Variants in TAOK1 observed in about 807,000 individuals in gnomAD.
TAOK1 encodes the protein serine/threonine-protein kinase TAO1.
Under a neutral mutation model 138.3 loss-of-function variants are expected in TAOK1, and 21 were observed. That is an observed-to-expected ratio of 0.15 (90% CI 0.11 to 0.22). The LOEUF (loss-of-function observed/expected upper bound fraction) is 0.22. Among genes scored for constraint, TAOK1 ranks in the 10% least tolerant of loss-of-function variants. The pLI is 1.00. For synonymous variants in TAOK1, 361 were observed against 398.4 expected (o/e 0.91, Z 1.12); for missense variants, 651 against 1,227.7 (o/e 0.53, Z 7.02).
In TAOK1 at chr17:29,522,206, T is replaced by C. The variant is rs28458980; in HGVS notation, c.1909-74T>C. Reference sequence around the variant, plus strand: ...GTTAATTACATCTGTTTACTGGTTATTCTGTTAATTAGGACTTTTTTCTGG... The same window carrying C: ...GTTAATTACATCTGTTTACTGGTTACTCTGTTAATTAGGACTTTTTTCTGG... On this transcript the variant is annotated intron_variant, in intron 16 of 19. Transcript: ENST00000261716. 5.5e-4 allele frequency: 844 copies of C among 1,547,116 alleles called. 4 individuals are homozygous for C. In the African/African-American group the frequency reaches 0.011, roughly 20 times the overall value.
rs758803555 is a variant in TAOK1, at chr17:29,503,892, A to G, written c.1338+1169A>G. 4.5e-4 allele frequency among the ~76,000 whole-genome samples: 69 copies of G among 152,036 alleles called. 1 individual carries two copies. The highest frequency in any genetic ancestry group is 3.4e-3 in the Middle Eastern group (1 of 292). Reference sequence around the variant, plus strand: ...TTGGGAGGCTGAAGTAAGTGGATCAACTGAGGTCAGGAGTTCAAGACCAGC... The same window carrying G: ...TTGGGAGGCTGAAGTAAGTGGATCAGCTGAGGTCAGGAGTTCAAGACCAGC... On this transcript the variant is annotated intron_variant, in intron 13 of 19. Coordinates refer to ENST00000261716, the MANE Select transcript of TAOK1 (RefSeq NM_020791.4).
At chr17:29,413,523 G>T (rs1905193932) in intron 1 of TAOK1, among the ~76,000 whole-genome samples, 1 of 152,138 alleles carries the variant, frequency 6.6e-6, no homozygotes, top group African/African-American at 2.4e-5. Flanking sequence ...TTGAGTCCAG[G>T]AGGCGGAGGT....
At chr17:29,410,623 T>TG (rs973434840) in intron 1 of TAOK1, among the ~76,000 whole-genome samples, 5 of 150,500 alleles carry the variant, frequency 3.3e-5, no homozygotes, top group African/African-American at 1.2e-4. Context: ...TTTTTTGTTT[T>TG]TTTTTTTTTT....
In TAOK1 at chr17:29,542,912, C is replaced by T; in HGVS notation, c.2896C>T (p.Pro966Ser). 1.9e-6 allele frequency: 3 copies of T among 1,613,832 alleles called. No individual in the cohort carries two copies. The highest frequency in any genetic ancestry group is 2.5e-6 in the Non-Finnish European group (3 of 1,179,956). Reference protein sequence around the residue: ...RGSSMGVRNSPQALRRTASGG... With the variant: ...RGSSMGVRNSSQALRRTASGG... ...TAGCAGTATGGGAGTCCGCAATAGC[C>T]CCCAGGCTCTGAGGCGGACAGCTTC... is the stretch of plus-strand genomic sequence containing the variant. Residue 966 changes from proline (P) to serine (S), a missense_variant, in exon 20 of 20, where the codon CCC becomes TCC. By Grantham distance (74) the Pro-to-Ser change is moderately conservative (BLOSUM62 -1). Transcript: ENST00000261716.
At chr17:29,527,286 C>T (rs529167094) in intron 17 of TAOK1, among the ~76,000 whole-genome samples, 2 of 151,896 alleles carry the variant, frequency 1.3e-5, no homozygotes, top group Non-Finnish European at 2.9e-5. Flanking sequence ...GAGACCCTGT[C>T]TCAAAAAAAG....
chr17:29,416,061 G>A (rs923503938), intron 1 of TAOK1, among the ~76,000 whole-genome samples: 7 of 152,040 alleles, frequency 4.6e-5, no homozygotes, highest in African/African-American at 9.7e-5. Context: ...TCAGGAGTTC[G>A]AGACCAGCCT....
chr17:29,504,765 G>C (rs930722233), intron 13 of TAOK1, among the ~76,000 whole-genome samples: 4 of 152,206 alleles, frequency 2.6e-5, no homozygotes, highest in African/African-American at 9.6e-5. Context: ...AGCAGATGTT[G>C]TAAATCCTAT....
rs375745805 is a variant in TAOK1, at chr17:29,486,494, G to A, written c.656-3170G>A. Reference sequence around the variant, plus strand: ...CTAAAACCGCAAAAATTAGCTGGGCGTGGTGGCGCATCCCGGTAATCCCAG... The same window carrying A: ...CTAAAACCGCAAAAATTAGCTGGGCATGGTGGCGCATCCCGGTAATCCCAG... On this transcript the variant is annotated intron_variant, in intron 8 of 19. Transcript: ENST00000261716. Among the ~76,000 whole-genome samples, 163 of 152,058 alleles carry A rather than the reference G, an allele frequency of 1.1e-3. 1 individual carries two copies. The highest frequency in any genetic ancestry group is 3.4e-3 in the Middle Eastern group (1 of 294).
chr17:29,467,248 C>A, intron 3 of TAOK1, 32 bp downstream of exon 3: 1 of 1,360,440 alleles, frequency 7.4e-7, no homozygotes, highest in Non-Finnish European at 1.0e-6. Context: ...TTGTTTTTTT[C>A]TTATATTTAT....
intron 3 of TAOK1, among the ~76,000 whole-genome samples, chr17:29,471,294 T>C: frequency 7.2e-6 from 1 of 138,554 alleles, no homozygotes; most frequent in South Asian, 2.4e-4. Context: ...TTTTTTTTTT[T>C]TTTTGAGATG....
At chr17:29,427,332 C>G (rs978197111) in intron 1 of TAOK1, among the ~76,000 whole-genome samples, 6 of 152,048 alleles carry the variant, frequency 3.9e-5, no homozygotes, top group African/African-American at 1.2e-4. Flanking sequence ...CGGTGGCTCA[C>G]GCCTGTAATC....
intron 6 of TAOK1, among the ~76,000 whole-genome samples, chr17:29,479,063 T>G (rs886379923): frequency 6.6e-6 from 1 of 151,724 alleles, no homozygotes; most frequent in Admixed American, 6.6e-5. Context: ...AGGCGGAGTT[T>G]GCAGTGAGCT....
At position 29,545,132 on chromosome 17, in the gene TAOK1, A is replaced by G. The variant is rs2032381327; in HGVS notation, c.*2110A>G. On this transcript the variant is annotated 3_prime_UTR_variant, in exon 20 of 20. Coordinates refer to ENST00000261716, the MANE Select transcript of TAOK1 (RefSeq NM_020791.4). ...CTCTTATGTGTTGTTCTTTCAGCCC[A>G]TGCTCCAGGTCACCGGTTTTTAGGT... 6.6e-6 allele frequency: 1 copy of G among 152,204 alleles called. No homozygotes were observed. The highest frequency in any genetic ancestry group is 6.6e-5 in the Admixed American group (1 of 15,266). 9.4% of individuals were successfully genotyped at this position (152,204 alleles called of 1,614,324 possible).
intron 1 of TAOK1, among the ~76,000 whole-genome samples, chr17:29,416,891 A>G (rs1905276799): frequency 6.6e-6 from 1 of 152,188 alleles, no homozygotes; most frequent in South Asian, 2.1e-4. Context: ...TCAAGTTTTT[A>G]TCATATTTTC....
rs508706 is a variant in TAOK1 at position 29,508,120 on chromosome 17, C to T, written c.1563C>T (p.Ala521=). 0.85 allele frequency: 1,371,318 copies of T among 1,613,316 alleles called. 583,886 individuals are homozygous for T. Among genetic ancestry groups the T allele is most frequent in the Middle Eastern group, 0.9 (5,437 of 6,062 alleles). Residue 521 remains alanine, a synonymous_variant, in exon 14 of 20, where the codon GCC becomes GCT. Transcript: ENST00000261716. ...AACTTATCAAGAAACACCAGGCTGC[C>T]ATGGAGAAAGAGGTGGCTTATTCAG... ...MEKLIKKHQA[A]MEKEAKVMSN...
chr17:29,414,892 C>T (rs927640967), intron 1 of TAOK1, among the ~76,000 whole-genome samples: 1 of 151,946 alleles, frequency 6.6e-6, no homozygotes, highest in Admixed American at 6.6e-5. Flanking sequence ...AATAATATTC[C>T]ATTATATTTA....
At chr17:29,480,082 A>G (rs957893994) in intron 6 of TAOK1, 2 of 199,364 alleles carry the variant, frequency 1.0e-5, no homozygotes, top group South Asian at 1.8e-4. Context: ...GTTTCTACCA[A>G]TAAACAGAAA....
At chr17:29,526,103 C>A (rs1210962578) in intron 17 of TAOK1, among the ~76,000 whole-genome samples, 1 of 151,580 alleles carries the variant, frequency 6.6e-6, no homozygotes, top group Non-Finnish European at 1.5e-5. Context: ...TGGAAAAACC[C>A]CATCTCTACT....
chr17:29,394,149 A>ATTTT (rs1904513374), intron 1 of TAOK1, among the ~76,000 whole-genome samples: 3 of 56,388 alleles, frequency 5.3e-5, no homozygotes, highest in Admixed American at 2.0e-4. Flanking sequence ...ATAATTTGCC[A>ATTTT]GTTTTTTTTT....
Sources: allele counts gnomAD v4.1 joint callset (sites outside exome capture counted in the v4.1 genomes callset), GRCh38; gene constraint gnomAD v4.1.1; transcripts MANE v1.5; gene names NCBI Gene and HGNC (gene_info 2026-07-23, HGNC 2026-07-21).